Variants in STXBP5L observed in about 807,000 individuals in gnomAD.
STXBP5L encodes the protein syntaxin binding protein 5L, also known as syntaxin-binding protein 5-like.
Under a neutral mutation model 144.5 loss-of-function variants are expected in STXBP5L, and 65 were observed. That is an observed-to-expected ratio of 0.45 (90% CI 0.37 to 0.55). The LOEUF is 0.55. STXBP5L is among the 20% of genes least tolerant of loss of function. STXBP5L has a pLI of 0.00. For synonymous variants in STXBP5L, 505 were observed against 469.6 expected, an observed-to-expected ratio of 1.08 and a Z score of -0.97; for missense variants, 1,298 against 1,405.5, an observed-to-expected ratio of 0.92 and a Z score of 1.22.
chr3:121,010,910 A>T (rs1253140770), intron 3 of STXBP5L, among the ~76,000 whole-genome samples: 6 of 151,728 alleles, frequency 4.0e-5, no homozygotes, highest in African/African-American at 1.4e-4. Context: ...GGGGTGGCAG[A>T]GGCAAATAAA....
chr3:121,099,705 C>T (rs1003707437), intron 5 of STXBP5L: 1 of 153,122 alleles, frequency 6.5e-6, no homozygotes, highest in Admixed American at 6.5e-5. Flanking sequence ...GACTCCAAGC[C>T]TTGCTGTGCA....
At chr3:121,105,531 G>A (rs2043659386) in intron 5 of STXBP5L, among the ~76,000 whole-genome samples, 1 of 152,024 alleles carries the variant, frequency 6.6e-6, no homozygotes, top group African/African-American at 2.4e-5. Flanking sequence ...TGCAATAATG[G>A]CCACAATTAA....
chr3:121,341,339 C>T (rs542415399), intron 20 of STXBP5L, among the ~76,000 whole-genome samples: 32 of 152,232 alleles, frequency 2.1e-4, no homozygotes, highest in South Asian at 6.2e-4. Context: ...TATTATCTCA[C>T]GCCAGTTGAA....
intron 9 of STXBP5L, among the ~76,000 whole-genome samples, chr3:121,166,412 A>G (rs1048290192): frequency 1.3e-5 from 2 of 152,182 alleles, no homozygotes; most frequent in African/African-American, 4.8e-5. Flanking sequence ...CTCTTCAGCT[A>G]TGTATATTCT....
chr3:121,234,366 A>G (rs369216577), intron 12 of STXBP5L, among the ~76,000 whole-genome samples: 2 of 152,144 alleles, frequency 1.3e-5, no homozygotes, highest in East Asian at 3.9e-4. Flanking sequence ...TTTTCTTCTT[A>G]TTAATATCTG....
chr3:120,974,811 A>C (rs1940748988), intron 3 of STXBP5L, among the ~76,000 whole-genome samples: 1 of 152,094 alleles, frequency 6.6e-6, no homozygotes, highest in Non-Finnish European at 1.5e-5. Context: ...TCCTTTCCCC[A>C]TTTCTTGTTT....
intron 5 of STXBP5L, among the ~76,000 whole-genome samples, chr3:121,056,958 G>A (rs1220204008): frequency 2.7e-5 from 4 of 149,730 alleles, no homozygotes; most frequent in African/African-American, 9.8e-5. Context: ...ATTATAAAGA[G>A]GGAAAAAAGC....
chr3:121,146,553 C>A (rs543285328), intron 7 of STXBP5L, among the ~76,000 whole-genome samples: 6 of 152,048 alleles, frequency 3.9e-5, no homozygotes, highest in South Asian at 2.1e-4. Context: ...AATTACCAGA[C>A]AATAATTTGC....
chr3:121,175,376 G>A (rs966066300), intron 9 of STXBP5L, among the ~76,000 whole-genome samples: 1 of 152,050 alleles, frequency 6.6e-6, no homozygotes, highest in African/African-American at 2.4e-5. Context: ...AAAAAAATAT[G>A]TTCATCTCCA....
rs560495927 is a variant in STXBP5L at position 120,933,899 on chromosome 3, A to T, written c.190-21041A>T. Among the ~76,000 whole-genome samples, 7 of 152,214 alleles carry T rather than the reference A, an allele frequency of 4.6e-5. No homozygotes were observed. The South Asian group carries it at 1.5e-3, about 32-fold the overall frequency. On this transcript the variant is annotated intron_variant, in intron 2 of 26. Coordinates refer to ENST00000471454, the MANE Select transcript of STXBP5L (RefSeq NM_001308330.2). Reference sequence around the variant, plus strand: ...CCAAAGTTTTAAAAAAATCTCCTTTATCTAGAGAGTGGATTACTTTTAAAG... The same window carrying T: ...CCAAAGTTTTAAAAAAATCTCCTTTTTCTAGAGAGTGGATTACTTTTAAAG...
At position 120,978,220 on chromosome 3, in the gene STXBP5L, A is replaced by AT. The variant is rs1451050286; in HGVS notation, c.287+23186dup. ...ATTCCGTCTTTTCACCTAGTCCCAT[A>AT]TTTCTTGGAGGCTTTGTTCGTTTCT... On this transcript the variant is annotated intron_variant, in intron 3 of 26. Coordinates refer to ENST00000471454, the MANE Select transcript of STXBP5L (RefSeq NM_001308330.2). 5.9e-5 allele frequency among the ~76,000 whole-genome samples: 9 copies of AT among 152,162 alleles called. No homozygotes were observed. The East Asian group carries it at 1.7e-3, about 29-fold the overall frequency.
chr3:121,091,414 A>G (rs2042786220), intron 5 of STXBP5L, among the ~76,000 whole-genome samples: 1 of 151,482 alleles, frequency 6.6e-6, no homozygotes, highest in African/African-American at 2.4e-5. Flanking sequence ...AAGTGTTCCT[A>G]TTTCTCCACA....
At chr3:121,043,559 A>C (rs953058390) in intron 4 of STXBP5L, among the ~76,000 whole-genome samples, 1 of 152,148 alleles carries the variant, frequency 6.6e-6, no homozygotes, top group Admixed American at 6.6e-5. Context: ...AATTACAAAA[A>C]TTAGTTGGAC....
At chr3:120,980,629 C>T (rs1559947143) in intron 3 of STXBP5L, among the ~76,000 whole-genome samples, 1 of 152,000 alleles carries the variant, frequency 6.6e-6, no homozygotes, top group African/African-American at 2.4e-5. Context: ...AAGAAGCTAT[C>T]ATTGGATCTT....
At chr3:121,188,155 G>A (rs1007236153) in intron 9 of STXBP5L, among the ~76,000 whole-genome samples, 9 of 152,106 alleles carry the variant, frequency 5.9e-5, no homozygotes, top group Non-Finnish European at 1.3e-4. Flanking sequence ...AGGATATCCA[G>A]GACTTGAACT....
intron 9 of STXBP5L, among the ~76,000 whole-genome samples, chr3:121,178,990 G>A (rs984483152): frequency 6.6e-6 from 1 of 151,962 alleles, no homozygotes; most frequent in African/African-American, 2.4e-5. Context: ...TGGCAGATAC[G>A]AGCACAGGTG....
At chr3:121,002,647 T>C (rs1943881359) in intron 3 of STXBP5L, among the ~76,000 whole-genome samples, 3 of 152,148 alleles carry the variant, frequency 2.0e-5, no homozygotes, top group Admixed American at 6.6e-5. Context: ...ATATTTTCTT[T>C]TAAGAGATTA....
chr3:121,093,489 G>T (rs940363611), intron 5 of STXBP5L, among the ~76,000 whole-genome samples: 43 of 152,116 alleles, frequency 2.8e-4, no homozygotes, highest in African/African-American at 9.7e-4. Flanking sequence ...CTTCTTCCTG[G>T]TTTAGTCTTG....
chr3:121,118,501 A>G (rs999374065), intron 6 of STXBP5L, among the ~76,000 whole-genome samples: 1 of 151,668 alleles, frequency 6.6e-6, no homozygotes, highest in Non-Finnish European at 1.5e-5. Flanking sequence ...GCAAGGGATA[A>G]AGCTGGAAGG....
Sources: allele counts gnomAD v4.1 joint callset (sites outside exome capture counted in the v4.1 genomes callset), GRCh38; gene constraint gnomAD v4.1.1; transcripts MANE v1.5; gene names NCBI Gene and HGNC (gene_info 2026-07-23, HGNC 2026-07-21).